Variants in ASXL1 observed in about 807,000 individuals in gnomAD.
ASXL1 encodes polycomb group protein ASXL1.
In ASXL1, 65 loss-of-function variants were observed where a neutral mutation model predicts 89.1. The observed-to-expected ratio is 0.73, with a 90% confidence interval of 0.60 to 0.90. ASXL1 has a LOEUF of 0.90. Among genes scored for constraint, ASXL1 ranks in the 40% least tolerant of loss-of-function variants. The pLI is 0.00. For synonymous variants in ASXL1, 739 were observed against 746.9 expected, an observed-to-expected ratio of 0.99 and a Z score of 0.17; for missense variants, 1,786 against 1,942.9, an observed-to-expected ratio of 0.92 and a Z score of 1.52.
At chr20:32,428,062 G>A (rs2011382238) in intron 4 of ASXL1, 66 bp from the exon 5 acceptor site, 2 of 1,604,990 alleles carry the variant, frequency 1.2e-6, no homozygotes, top group Non-Finnish European at 1.7e-6. Flanking sequence ...ACACATTTAG[G>A]AATGACTGCC....
chr20:32,366,547 C>T, intron 2 of ASXL1, 81 bp downstream of exon 2: 1 of 1,607,678 alleles, frequency 6.2e-7, no homozygotes, highest in East Asian at 2.2e-5. Flanking sequence ...TGAGTAAGTA[C>T]ACCTGTGTAT....
At chr20:32,432,482 A>G (rs954988318) in intron 10 of ASXL1, 2 of 270,668 alleles carry the variant, frequency 7.4e-6, no homozygotes, top group South Asian at 4.3e-5. Flanking sequence ...TGCATAAACA[A>G]TTTAGGCACA....
intron 4 of ASXL1, among the ~76,000 whole-genome samples, chr20:32,406,499 C>T (rs962716224): frequency 2.6e-5 from 4 of 152,132 alleles, no homozygotes; most frequent in Admixed American, 1.3e-4. Flanking sequence ...TACAGCGAGC[C>T]GAGATTGCAC....
intron 4 of ASXL1, among the ~76,000 whole-genome samples, chr20:32,370,245 T>C (rs1266882595): frequency 6.6e-6 from 1 of 152,158 alleles, no homozygotes; most frequent in Non-Finnish European, 1.5e-5. Flanking sequence ...CCATTTGTGA[T>C]ATATATGGTA....
chr20:32,436,682 C>G lies in ASXL1; in HGVS notation c.3970C>G (p.Pro1324Ala). The G allele has an allele frequency of 1.2e-6, 2 of 1,614,008 alleles. No individual in the cohort carries two copies. Among genetic ancestry groups the G allele is most frequent in the Non-Finnish European group, 1.7e-6 (2 of 1,180,034 alleles). Residue 1324 changes from proline to alanine, a missense_variant, in exon 13 of 13, where the codon CCT (proline) becomes GCT (alanine). Transcript: ENST00000375687. ...GCGCCCCAGGCCTGCGGACCCGATG[C>G]CTCTTCCTGCTGAGATCCCTCCAGT... ...LQRPRPADPM[P>A]LPAEIPPVFP...
In ASXL1 at chr20:32,401,560, C is replaced by T. The variant is rs1221319868; in HGVS notation, c.253-26568C>T. 2.1e-3 allele frequency among the ~76,000 whole-genome samples: 284 copies of T among 134,698 alleles called. 5 individuals carry two copies. The highest frequency in any genetic ancestry group is 4.4e-3 in the South Asian group (19 of 4,282). The allele number at this position is 134,698 out of a possible 152,430, so 88.4% of individuals were successfully genotyped here. ...TGTGTGTGTGTTTTTTCCCCCCCCC[C>T]CTTTTTTTTTTTGAGACGGAGTCTC... On this transcript the variant is annotated intron_variant, in intron 4 of 12. Coordinates refer to ENST00000375687, the MANE Select transcript of ASXL1 (RefSeq NM_015338.6).
intron 4 of ASXL1, among the ~76,000 whole-genome samples, chr20:32,402,505 A>G (rs760800549): frequency 2.0e-5 from 3 of 152,228 alleles, no homozygotes; most frequent in African/African-American, 2.4e-5. Flanking sequence ...CGTATGATAC[A>G]TGTATATTTA....
chr20:32,372,321 C>G (rs1314372257), intron 4 of ASXL1: 62 of 1,189,296 alleles, frequency 5.2e-5, no homozygotes, highest in South Asian at 9.1e-5. Context: ...CTCATCTTAA[C>G]TGCCTTTGGC....
intron 1 of ASXL1, among the ~76,000 whole-genome samples, chr20:32,361,743 G>A (rs1327393572): frequency 1.3e-5 from 2 of 151,732 alleles, no homozygotes; most frequent in East Asian, 3.9e-4. Flanking sequence ...TCTTTGAATG[G>A]GACTGGATGG....
chr20:32,393,801 A>C (rs562622543), intron 4 of ASXL1, among the ~76,000 whole-genome samples: 1 of 151,850 alleles, frequency 6.6e-6, no homozygotes, highest in South Asian at 2.1e-4. Flanking sequence ...TTAAACAACC[A>C]TCTTTTCTAT....
At chr20:32,363,995 A>C (rs1482534335) in intron 1 of ASXL1, among the ~76,000 whole-genome samples, 4 of 152,132 alleles carry the variant, frequency 2.6e-5, no homozygotes, top group African/African-American at 9.7e-5. Flanking sequence ...CATTACTTAC[A>C]TTGTCTCTAA....
intron 4 of ASXL1, among the ~76,000 whole-genome samples, chr20:32,380,400 A>G (rs752140327): frequency 3.3e-5 from 5 of 152,224 alleles, no homozygotes; most frequent in Non-Finnish European, 7.3e-5. Flanking sequence ...CATTTTTACA[A>G]TGTTAAATAA....
chr20:32,421,060 G>A (rs372206384), intron 4 of ASXL1, among the ~76,000 whole-genome samples: 89 of 147,976 alleles, frequency 6.0e-4, no homozygotes, highest in African/African-American at 2.2e-3. Context: ...ACACACCGGG[G>A]CCTGTTGGGG....
intron 4 of ASXL1, among the ~76,000 whole-genome samples, chr20:32,419,533 G>C (rs1424428558): frequency 1.3e-5 from 2 of 151,934 alleles, no homozygotes; most frequent in Non-Finnish European, 2.9e-5. Flanking sequence ...TCTTGATAAA[G>C]TTTTATGTTT....
chr20:32,379,575 C>T (rs2048451600), intron 4 of ASXL1, among the ~76,000 whole-genome samples: 1 of 151,660 alleles, frequency 6.6e-6, no homozygotes, highest in Admixed American at 6.6e-5. Context: ...CCTGTAATCC[C>T]AGCACTTTGG....
intron 4 of ASXL1, among the ~76,000 whole-genome samples, chr20:32,392,528 C>T (rs1483741144): frequency 2.7e-5 from 4 of 146,828 alleles, no homozygotes; most frequent in African/African-American, 9.8e-5. Flanking sequence ...GATCTGCCCG[C>T]CTCGGCCTCC....
intron 1 of ASXL1, among the ~76,000 whole-genome samples, chr20:32,364,004 A>C (rs958262429): frequency 6.6e-6 from 1 of 152,154 alleles, no homozygotes; most frequent in Non-Finnish European, 1.5e-5. Context: ...CATTGTCTCT[A>C]ATCTGTCCAA....
At chr20:32,377,972 C>CTG (rs112878923) in intron 4 of ASXL1, among the ~76,000 whole-genome samples, 43,411 of 115,234 alleles carry the variant, frequency 0.38, 9,401 homozygotes, top group Middle Eastern at 0.58. Context: ...AGTTTTGACT[C>CTG]TGTGTGTGTG....
Position 32,366,274 on chromosome 20 carries a change from C to CT in ASXL1, c.58-109dup, listed in dbSNP as rs1600470863. 40 of 946,210 alleles carry CT rather than the reference C, an allele frequency of 4.2e-5. 3 individuals are homozygous for CT. In the South Asian group the frequency reaches 5.2e-4, roughly 12 times the overall value. The allele number at this position is 946,210 out of a possible 1,614,324, so 58.6% of individuals were successfully genotyped here. ...TGAAGTAATTTTAACTGTGGAAAAA[C>CT]TAAGTTGTCACCAGCGGTACCTCAT... On this transcript the variant is annotated intron_variant, in intron 1 of 12. Transcript: ENST00000375687.
Sources: gnomAD v4.1 joint callset for allele counts (sites outside exome capture counted in the v4.1 genomes callset) on GRCh38, gnomAD v4.1.1 for gene constraint, MANE v1.5 for transcripts, NCBI Gene and HGNC (gene_info 2026-07-23, HGNC 2026-07-21) for gene names.